BRWD3: variants seen among roughly 807,000 people sequenced by gnomAD.
The protein encoded by BRWD3 is bromodomain and WD repeat domain containing 3, also known as bromodomain and WD repeat-containing protein 3.
BRWD3 carries 10 observed loss-of-function variants against 149.7 expected under a neutral mutation model. The observed-to-expected ratio is 0.07, with a 90% CI of 0.04 to 0.11. BRWD3 has a LOEUF of 0.11. Ranked by LOEUF, BRWD3 falls within the 10% of genes least tolerant of loss-of-function variation. The pLI, the probability that BRWD3 is intolerant of heterozygous loss-of-function variation, is 1.00. For synonymous variants in BRWD3, 504 were observed against 456.7 expected (o/e 1.10, Z -1.32); for missense variants, 940 against 1,373.2 (o/e 0.68, Z 4.99).
In BRWD3 at chrX:80,691,177, C is replaced by CA. The variant is rs1569247599; in HGVS notation, c.3482-5dup. On this transcript the variant is annotated splice_region_variant and splice_polypyrimidine_tract_variant and intron_variant, in intron 30 of 40. Coordinates refer to ENST00000373275, the MANE Select transcript of BRWD3 (RefSeq NM_153252.5). The stretch of plus-strand genomic sequence containing the variant: ...ACAGCAAAAGGGCTGGCAAAATCTA[C>CA]AAAATTATGAAAATCAAATAAGGTA... The CA allele has an allele frequency of 8.3e-7, 1 of 1,204,793 alleles. No individual in the cohort carries two copies. Among genetic ancestry groups the CA allele is most frequent in the East Asian group, 3.0e-5 (1 of 33,716 alleles).
intron 24 of BRWD3, 40 bp downstream of exon 24, chrX:80,703,440 T>TG: frequency 1.1e-6 from 1 of 935,320 alleles, no homozygotes; most frequent in East Asian, 3.2e-5. Flanking sequence ...TTAGTGCTCT[T>TG]GAGGCTCCAC....
intron 25 of BRWD3, among the ~76,000 whole-genome samples, chrX:80,698,769 T>C (rs1258489341): frequency 9.1e-6 from 1 of 109,804 alleles, no homozygotes; most frequent in Non-Finnish European, 1.9e-5. Flanking sequence ...CTAAAAAAGA[T>C]TCAACTTTTA....
intron 4 of BRWD3, among the ~76,000 whole-genome samples, chrX:80,798,946 G>A (rs1035525618): frequency 3.6e-5 from 4 of 112,017 alleles, no homozygotes; most frequent in Non-Finnish European, 7.5e-5. Context: ...TTGTTACAAT[G>A]AAACAATACA....
In BRWD3 at chrX:80,766,689, T is replaced by C. The variant is rs187460746; in HGVS notation, c.431-20960A>G. On this transcript the variant is annotated intron_variant, in intron 6 of 40. Coordinates refer to ENST00000373275, the MANE Select transcript of BRWD3 (RefSeq NM_153252.5). ...CAGCTCCGGTCTGCAGCTCCCAGCGTGATCGATGCAGAAGATGGGTGATTT... is the reference window on the plus strand; with the variant it reads ...CAGCTCCGGTCTGCAGCTCCCAGCGCGATCGATGCAGAAGATGGGTGATTT... Among the ~76,000 whole-genome samples, 11 of 111,783 alleles carry C rather than the reference T, an allele frequency of 9.8e-5. No individual in the cohort carries two copies. The East Asian group carries it at 2.9e-3, about 29-fold the overall frequency.
intron 6 of BRWD3, among the ~76,000 whole-genome samples, chrX:80,756,701 A>G (rs2073744691): frequency 9.0e-6 from 1 of 111,007 alleles, no homozygotes; most frequent in Non-Finnish European, 1.9e-5. Context: ...TGACCAATTC[A>G]TGAGTATTTT....
At position 80,770,255 on chromosome X, in the gene BRWD3, G is replaced by A. The variant is rs187553584; in HGVS notation, c.430+21599C>T. ...AAACCTCCCCAACTCATTTTATGAG[G>A]CCAACATCAGCTTGATACCAAAGCC... On this transcript the variant is annotated intron_variant, in intron 6 of 40. Coordinates refer to ENST00000373275, the MANE Select transcript of BRWD3 (RefSeq NM_153252.5). 5.4e-5 allele frequency among the ~76,000 whole-genome samples: 6 copies of A among 111,433 alleles called. No homozygotes were observed. In the East Asian group the frequency reaches 1.4e-3, roughly 26 times the overall value.
At chrX:80,730,961 CTGT>C (rs1311066198) in intron 12 of BRWD3, among the ~76,000 whole-genome samples, 2 of 111,862 alleles carry the variant, frequency 1.8e-5, no homozygotes, top group African/African-American at 3.2e-5. Context: ...TAATGATCAA[CTGT>C]TGTTTCCAAT....
At chrX:80,689,007 C>T (rs1363761063) in intron 33 of BRWD3, among the ~76,000 whole-genome samples, 3 of 109,423 alleles carry the variant, frequency 2.7e-5, no homozygotes, top group Non-Finnish European at 5.7e-5. Context: ...AAAAAAACAG[C>T]ATTGGAGATT....
chrX:80,713,602 C>G (rs1182163192), intron 20 of BRWD3, among the ~76,000 whole-genome samples: 2 of 110,219 alleles, frequency 1.8e-5, no homozygotes, highest in Non-Finnish European at 3.8e-5. Flanking sequence ...CCTTTGTTCA[C>G]TTGTTTATCT....
At chrX:80,696,975 G>A in intron 25 of BRWD3, 112 bp from the exon 26 acceptor site, 1 of 753,344 alleles carries the variant, frequency 1.3e-6, no homozygotes, top group Non-Finnish European at 2.0e-6. Flanking sequence ...CTAAATGCCA[G>A]GCACTACACT....
intron 4 of BRWD3, among the ~76,000 whole-genome samples, chrX:80,796,383 C>G (rs1302972448): frequency 2.7e-5 from 3 of 111,344 alleles, no homozygotes; most frequent in Non-Finnish European, 3.8e-5. Context: ...CCCGCCTCAG[C>G]CTCCCAAAGT....
chrX:80,782,315 T>C (rs1488456126), intron 6 of BRWD3, among the ~76,000 whole-genome samples: 1 of 111,558 alleles, frequency 9.0e-6, no homozygotes, highest in African/African-American at 3.3e-5. Flanking sequence ...TGCAGAAGAA[T>C]GAAACGAGAC....
chrX:80,689,721 A>G, intron 33 of BRWD3, 47 bp downstream of exon 33: 1 of 1,063,980 alleles, frequency 9.4e-7, no homozygotes, highest in African/African-American at 1.8e-5. Flanking sequence ...TGTACTTCAA[A>G]TAAGAGAAAA....
At chrX:80,805,218 T>C (rs1569294431) in intron 4 of BRWD3, among the ~76,000 whole-genome samples, 1 of 111,646 alleles carries the variant, frequency 9.0e-6, no homozygotes, top group Admixed American at 9.6e-5. Context: ...CAGATGATTG[T>C]TTCAGAAAAC....
At chrX:80,803,428 T>C (rs1198083439) in intron 4 of BRWD3, among the ~76,000 whole-genome samples, 2 of 111,591 alleles carry the variant, frequency 1.8e-5, no homozygotes, top group African/African-American at 6.5e-5. Context: ...AGATTAATGA[T>C]AAATCTCCAA....
rs984597123 is a variant in BRWD3 at position 80,670,109 on chromosome X, T to A, written c.*6500A>T. ...TCACAGATGGCAAAGAAAAATCTAT[T>A]AAAGTTACATAGAAAGGAAAGGAAA... On this transcript the variant is annotated 3_prime_UTR_variant, in exon 41 of 41. Coordinates refer to ENST00000373275, the MANE Select transcript of BRWD3 (RefSeq NM_153252.5). Among the ~76,000 whole-genome samples, 2 of 111,504 alleles carry A rather than the reference T, an allele frequency of 1.8e-5. No homozygotes were observed. Among genetic ancestry groups the A allele is most frequent in the Non-Finnish European group, 1.9e-5 (1 of 53,095 alleles).
At chrX:80,722,411 G>T in intron 17 of BRWD3, 151 bp downstream of exon 17, 1 of 563,882 alleles carries the variant, frequency 1.8e-6, no homozygotes, top group Non-Finnish European at 2.9e-6. Context: ...ACTATGCTAA[G>T]GTAAAAACAA....
At chrX:80,723,462 TC>T (rs1461036680) in intron 16 of BRWD3, among the ~76,000 whole-genome samples, 2 of 110,782 alleles carry the variant, frequency 1.8e-5, no homozygotes, top group African/African-American at 3.3e-5. Context: ...TTAGAATTAC[TC>T]TCCTATTATA....
intron 40 of BRWD3, among the ~76,000 whole-genome samples, chrX:80,680,977 T>A (rs1478225333): frequency 9.9e-5 from 10 of 100,630 alleles, no homozygotes; most frequent in African/African-American, 3.6e-4. Flanking sequence ...TACTTTTTTT[T>A]TTTTTTTTTT....
Sources: gnomAD v4.1 joint callset for allele counts (sites outside exome capture counted in the v4.1 genomes callset) on GRCh38, gnomAD v4.1.1 for gene constraint, MANE v1.5 for transcripts, NCBI Gene and HGNC (gene_info 2026-07-23, HGNC 2026-07-21) for gene names.